The following DENND4B variants were observed in gnomAD, a reference collection of about 807,000 sequenced individuals.
The protein encoded by DENND4B is DENN domain containing 4B, also known as DENN domain-containing protein 4B.
In DENND4B, 67 loss-of-function variants were observed where a neutral mutation model predicts 161.0. That is an observed-to-expected ratio of 0.42 (90% confidence interval 0.34 to 0.51). DENND4B has a LOEUF of 0.51. DENND4B is among the 20% of genes least tolerant of loss of function. The pLI is 0.08. For synonymous variants in DENND4B, 753 were observed against 813.8 expected (o/e 0.93, Z 1.27); for missense variants, 1,481 against 1,968.0 (o/e 0.75, Z 4.68).
intron 6 of DENND4B, 94 bp downstream of exon 6, chr1:153,941,775 G>GGGGGGGGGGGGC: frequency 7.5e-7 from 1 of 1,338,174 alleles, no homozygotes; most frequent in Non-Finnish European, 1.0e-6. Context: ...CCTGTGCCCA[G>GGGGGGGGGGGGC]CCCTCCCCCC....
chr1:153,938,806 G>T, intron 13 of DENND4B, 94 bp downstream of exon 13: 2 of 1,371,704 alleles, frequency 1.5e-6, no homozygotes, highest in Non-Finnish European at 2.0e-6. Flanking sequence ...ATACCACCCT[G>T]AACATGCCCG....
intron 6 of DENND4B, among the ~76,000 whole-genome samples, 157 bp downstream of exon 6, chr1:153,941,712 C>T (rs540497731): frequency 7.2e-5 from 11 of 152,258 alleles, no homozygotes; most frequent in African/African-American, 2.2e-4. Flanking sequence ...CAGCCCGTGG[C>T]GTTTTTACAG....
chr1:153,934,358 T>A lies in DENND4B; in HGVS notation c.2774-56A>T. The A allele has an allele frequency of 6.6e-7, 1 of 1,522,204 alleles. No homozygotes were observed. The allele number at this position is 1,522,204 out of a possible 1,614,324, so 94.3% of individuals were successfully genotyped here. Reference sequence around the variant, plus strand: ...GCCAGCTAGGAACCCAGTCCCCTGTTCCAAAATAGAGCTCCTTAGATGGAC... The same window carrying A: ...GCCAGCTAGGAACCCAGTCCCCTGTACCAAAATAGAGCTCCTTAGATGGAC... On this transcript the variant is annotated intron_variant, in intron 18 of 27. Coordinates refer to ENST00000361217, the MANE Select transcript of DENND4B (RefSeq NM_014856.3). The surrounding 1 kb of genome is among the most constrained non-coding windows in gnomAD (Gnocchi z 5.3).
At position 153,934,706 on chromosome 1, in the gene DENND4B, C is replaced by A; in HGVS notation, c.2773+54G>T. 6.4e-7 allele frequency: 1 copy of A among 1,561,522 alleles called. No individual in the cohort carries two copies. On this transcript the variant is annotated intron_variant, in intron 18 of 27. Coordinates refer to ENST00000361217, the MANE Select transcript of DENND4B (RefSeq NM_014856.3). This position sits in a 1 kb window ranked among gnomAD's most constrained non-coding sequence, Gnocchi z 5.3. ...CAGCCCCAACTCTCTATGCCTTTCC[C>A]TGCCTGAGCCCAGCTACTCCATCCC...
In DENND4B at chr1:153,939,816, G is replaced by A. The variant is rs766898034; in HGVS notation, c.1604-12C>T. 5.6e-6 allele frequency: 9 copies of A among 1,612,522 alleles called. No homozygotes were observed. Among genetic ancestry groups the A allele is most frequent in the Non-Finnish European group, 2.5e-6 (3 of 1,179,226 alleles). Reference sequence around the variant, plus strand: ...AGGTCCAGTGTATGCTGGAGGCCAGGGCAGCCTAAGAGTCAGGGCTGGCTC... The same window carrying A: ...AGGTCCAGTGTATGCTGGAGGCCAGAGCAGCCTAAGAGTCAGGGCTGGCTC... On this transcript the variant is annotated splice_polypyrimidine_tract_variant and intron_variant, in intron 11 of 27. Coordinates refer to ENST00000361217, the MANE Select transcript of DENND4B (RefSeq NM_014856.3).
intron 1 of DENND4B, among the ~76,000 whole-genome samples, chr1:153,945,838 G>A (rs1483947013): frequency 1.3e-5 from 2 of 152,260 alleles, no homozygotes; most frequent in Non-Finnish European, 2.9e-5. Context: ...AGCCAGGGAA[G>A]AGTCCTGCAG....
At chr1:153,941,082 C>T in intron 8 of DENND4B, 34 bp from the exon 9 acceptor site, 1 of 1,554,804 alleles carries the variant, frequency 6.4e-7, no homozygotes, top group Non-Finnish European at 8.7e-7. Flanking sequence ...AAAGGGTCAC[C>T]AGGATACCCT....
chr1:153,943,680 A>T (rs1300199942), intron 2 of DENND4B, among the ~76,000 whole-genome samples: 6 of 85,130 alleles, frequency 7.0e-5, no homozygotes, highest in Non-Finnish European at 1.1e-4. Flanking sequence ...TCTGTCTATA[A>T]AAAAAAAAAA....
intron 1 of DENND4B, chr1:153,945,206 G>A: frequency 3.9e-6 from 5 of 1,285,490 alleles, no homozygotes; most frequent in Non-Finnish European, 5.1e-6. Flanking sequence ...GCAGAAGCTG[G>A]GAAAAAGCCT....
intron 24 of DENND4B, 33 bp from the exon 25 acceptor site, chr1:153,931,097 C>G (rs1472251938): frequency 6.5e-7 from 1 of 1,549,714 alleles, no homozygotes; most frequent in Non-Finnish European, 8.8e-7. Context: ...GACAGTTAGG[C>G]TCAACGAATG....
In DENND4B at chr1:153,930,511, C is replaced by T. The variant is rs759145171; in HGVS notation, c.4345+28G>A. 1.2e-6 allele frequency: 2 copies of T among 1,614,000 alleles called. No homozygotes were observed. Among genetic ancestry groups the T allele is most frequent in the Admixed American group, 1.7e-5 (1 of 60,036 alleles). On this transcript the variant is annotated intron_variant, in intron 27 of 27. Coordinates refer to ENST00000361217, the MANE Select transcript of DENND4B (RefSeq NM_014856.3). This position sits in a 1 kb window ranked among gnomAD's most constrained non-coding sequence, Gnocchi z 4.7. ...CCACACCTGGCCCCAGATCCCTAAACTCCTCAGCCCCTTGCCTGCAATCTC... is the reference window on the plus strand; with the variant it reads ...CCACACCTGGCCCCAGATCCCTAAATTCCTCAGCCCCTTGCCTGCAATCTC...
At chr1:153,945,858 C>T (rs527259563) in intron 1 of DENND4B, among the ~76,000 whole-genome samples, 1 of 152,374 alleles carries the variant, frequency 6.6e-6, no homozygotes, top group African/African-American at 2.4e-5. Context: ...GAAAGCAGCC[C>T]TTTCTCCCTA....
In DENND4B at chr1:153,940,626, G is replaced by C; in HGVS notation, c.1327-20C>G. The C allele has an allele frequency of 1.9e-6, 3 of 1,606,848 alleles. No individual in the cohort carries two copies. Among genetic ancestry groups the C allele is most frequent in the Non-Finnish European group, 2.5e-6 (3 of 1,176,620 alleles). ...GATCATCTGAAGCACCAGGCAGTGA[G>C]AACCAGTGAACAGGGGGTTGAGGCA... On this transcript the variant is annotated intron_variant, in intron 9 of 27. Transcript: ENST00000361217. This position sits in a 1 kb window ranked among gnomAD's most constrained non-coding sequence, Gnocchi z 5.6.
At position 153,941,437 on chromosome 1, in the gene DENND4B, G is replaced by A. The variant is rs780344662; in HGVS notation, c.1059C>T (p.His353=). The part of the protein sequence containing the change: ...SGPHRLPLEA[H]ISHFIHNVPF... ...GAACGTTGTGAATGAAGTGGGAGAT[G>A]TGCCTGGGGGACAGAGAAACAGGTC... The change falls in exon 7 of 28, where the codon CAC becomes CAT. Residue 353 remains histidine, a synonymous_variant. Coordinates refer to ENST00000361217, the MANE Select transcript of DENND4B (RefSeq NM_014856.3). 14 of 1,611,550 alleles carry A rather than the reference G, an allele frequency of 8.7e-6. No individual in the cohort carries two copies. The highest frequency in any genetic ancestry group is 1.2e-5 in the Non-Finnish European group (14 of 1,179,230).
Position 153,934,876 on chromosome 1 carries a change from T to C in DENND4B, c.2657A>G (p.Gln886Arg), listed in dbSNP as rs199594646. 50 of 1,613,716 alleles carry C rather than the reference T, an allele frequency of 3.1e-5. No homozygotes were observed. In the Admixed American group the frequency reaches 7.7e-4, roughly 25 times the overall value. ...CCGTTCTCTCAAGGGCTGGCGGAAC[T>C]GAGCAGCCCCCAGGACAACATTCCG... ...KLRNVVLGAA[Q>R]FRQPLRERQQ... Residue 886 changes from glutamine (Q) to arginine (R), a missense_variant, in exon 18 of 28, where the codon CAG becomes CGG. By Grantham distance (43) the Gln-to-Arg change is conservative. Transcript: ENST00000361217. The surrounding 1 kb of genome is among the most constrained non-coding windows in gnomAD (Gnocchi z 5.3).
Position 153,946,243 on chromosome 1 carries a change from C to T in DENND4B, c.-24+58G>A, listed in dbSNP as rs1045290745. On this transcript the variant is annotated intron_variant, in intron 1 of 27. Transcript: ENST00000361217. This position sits in a 1 kb window ranked among gnomAD's most constrained non-coding sequence, Gnocchi z 6.3. ...GGCCATCCCCCACCCCGCCTGCCGC[C>T]CGCGCTCCCTCCTGCCCGTCCCCGC... The T allele has an allele frequency of 9.0e-6, 3 of 332,466 alleles. No individual in the cohort carries two copies. Among genetic ancestry groups the T allele is most frequent in the Admixed American group, 4.9e-5 (1 of 20,498 alleles). 20.6% of individuals were successfully genotyped at this position (332,466 alleles called of 1,614,324 possible).
At chr1:153,941,316 A>G (rs1161019727) in intron 7 of DENND4B, 27 bp from the exon 8 acceptor site, 4 of 1,613,808 alleles carry the variant, frequency 2.5e-6, no homozygotes, top group Non-Finnish European at 3.4e-6. Flanking sequence ...GCCACGGCTC[A>G]GGGTAATGAT....
In DENND4B at chr1:153,941,500, C is replaced by T. The variant is rs964004258; in HGVS notation, c.1056-60G>A. 5.2e-6 allele frequency: 8 copies of T among 1,527,028 alleles called. No homozygotes were observed. The Admixed American group carries it at 8.1e-5, about 15-fold the overall frequency. The allele number at this position is 1,527,028 out of a possible 1,614,324, so 94.6% of individuals were successfully genotyped here. ...CCCGTCCATCCCTGTCCTCCCTCCA[C>T]ATTTTCTCAGCTCTTTCACTTGTTC... On this transcript the variant is annotated intron_variant, in intron 6 of 27. Transcript: ENST00000361217.
rs1571062430 is a variant in DENND4B at position 153,945,232 on chromosome 1, G to T, written c.-23-835C>A. ...GAAAAAGCCTGGTGGGTAGCTCGCA[G>T]CAGGGGCCCAGAAGCGTGGGGGGTG... On this transcript the variant is annotated intron_variant, in intron 1 of 27. Coordinates refer to ENST00000361217, the MANE Select transcript of DENND4B (RefSeq NM_014856.3). The T allele has an allele frequency of 3.3e-6, 4 of 1,224,654 alleles. No homozygotes were observed. In the South Asian group the frequency reaches 5.0e-5, roughly 15 times the overall value. 75.9% of individuals were successfully genotyped at this position (1,224,654 alleles called of 1,614,324 possible).
Sources: allele counts gnomAD v4.1 joint callset (sites outside exome capture counted in the v4.1 genomes callset), GRCh38; gene constraint gnomAD v4.1.1; non-coding constraint Gnocchi (gnomAD v3.1); transcripts MANE v1.5; gene names NCBI Gene and HGNC (gene_info 2026-07-23, HGNC 2026-07-21).